CUX1: variants seen among roughly 807,000 people sequenced by gnomAD.
CUX1 encodes protein CASP.
A neutral mutation model predicts 158.8 loss-of-function variants in CUX1; 31 were observed. The observed-to-expected ratio is 0.20, with a 90% CI of 0.15 to 0.26. CUX1 has a LOEUF of 0.26. Ranked by LOEUF, CUX1 falls within the 10% of genes least tolerant of loss-of-function variation. The pLI is 1.00. For missense variants in CUX1, 1,589 were observed against 2,014.6 expected (o/e 0.79, Z 4.04); for synonymous variants, 879 against 862.1 (o/e 1.02, Z -0.34).
intron 2 of CUX1, among the ~76,000 whole-genome samples, chr7:102,019,826 C>G (rs1483076991): frequency 6.6e-6 from 1 of 152,188 alleles, no homozygotes; most frequent in Admixed American, 6.5e-5. Flanking sequence ...GAGTTTATCC[C>G]TTTCAAGATA....
At chr7:102,017,598 CGCTTCGGTA>C (rs1818788483) in intron 2 of CUX1, among the ~76,000 whole-genome samples, 2 of 149,174 alleles carry the variant, frequency 1.3e-5, no homozygotes, top group South Asian at 4.1e-4. Context: ...TGTAACCCAG[CGCTTCGGTA>C]GGCCGAGATG....
chr7:101,816,772 C>T (rs1335338463), upstream of CUX1, among the ~76,000 whole-genome samples: 1 of 138,440 alleles, frequency 7.2e-6, no homozygotes, highest in Non-Finnish European at 1.6e-5. Flanking sequence ...GCGGCGGCGG[C>T]GGCGCGGCCC....
At chr7:101,917,206 A>T (rs1804324918) in intron 2 of CUX1, among the ~76,000 whole-genome samples, 1 of 152,246 alleles carries the variant, frequency 6.6e-6, no homozygotes, top group Non-Finnish European at 1.5e-5. Flanking sequence ...TCTTACTTAC[A>T]TAATATTGCT....
At position 101,916,337 on chromosome 7, in the gene CUX1, A is replaced by G. The variant is rs867616126; in HGVS notation, c.141+112A>G. On this transcript the variant is annotated intron_variant, in intron 2 of 23. Coordinates refer to ENST00000292535, the MANE Select transcript of CUX1 (RefSeq NM_181552.4). The surrounding 1 kb of genome is among the most constrained non-coding windows in gnomAD (Gnocchi z 4.4). ...TCATCAGATGAACGCACGGCCGGCA[A>G]ACAACCCGTTTCTTTCCCCAGATGT... is the stretch of plus-strand genomic sequence containing the variant. 24 of 696,662 alleles carry G rather than the reference A, an allele frequency of 3.4e-5. No individual in the cohort carries two copies. The highest frequency in any genetic ancestry group is 3.2e-4 in the Middle Eastern group (1 of 3,110). 43.2% of individuals were successfully genotyped at this position (696,662 alleles called of 1,614,324 possible). A position where few individuals can be genotyped will look rare whatever the true frequency, so the allele number is the denominator to read the frequency against.
intron 1 of CUX1, among the ~76,000 whole-genome samples, chr7:101,857,396 G>T (rs1355830565): frequency 6.6e-6 from 1 of 152,234 alleles, no homozygotes; most frequent in African/African-American, 2.4e-5. Flanking sequence ...TATGTTTTCA[G>T]CACAGAAAGG....
intron 8 of CUX1, among the ~76,000 whole-genome samples, chr7:102,131,214 A>G (rs782220127): frequency 4.6e-5 from 7 of 152,186 alleles, no homozygotes; most frequent in African/African-American, 1.4e-4. Context: ...TAGAAATCCA[A>G]TTTCCGATCG....
chr7:101,836,100 A>G (rs1451627865), intron 1 of CUX1, among the ~76,000 whole-genome samples: 1 of 152,152 alleles, frequency 6.6e-6, no homozygotes, highest in Non-Finnish European at 1.5e-5. Flanking sequence ...GTCAAATACT[A>G]GGCCTTATTC....
At chr7:102,117,397 CA>C (rs10633602) in intron 8 of CUX1, among the ~76,000 whole-genome samples, 23 of 46,668 alleles carry the variant, frequency 4.9e-4, no homozygotes, top group East Asian at 4.0e-3. Flanking sequence ...GACTCCATCG[CA>C]AAAAAAAAAA....
Position 102,196,677 on chromosome 7 carries a change from C to A in CUX1, c.1266C>A (p.Arg422=). The A allele has an allele frequency of 6.3e-7, 1 of 1,598,100 alleles. No individual in the cohort carries two copies. The highest frequency in any genetic ancestry group is 8.5e-7 in the Non-Finnish European group (1 of 1,171,114). The change falls in exon 15 of 24, where the codon CGC becomes CGA. Residue 422 remains arginine (R), a synonymous_variant. Transcript: ENST00000292535. ...RKGKDQPESR[R]PGSLPAPPPS... ...GGAAAGACCAGCCTGAAAGTCGGCG[C>A]CCGGGATCTTTGCCGGCCCCCCCTC...
intron 9 of CUX1, 74 bp downstream of exon 9, chr7:102,158,682 A>G (rs1261964532): frequency 4.9e-6 from 7 of 1,436,164 alleles, no homozygotes; most frequent in Non-Finnish European, 6.9e-6. Flanking sequence ...AAGATGCGTC[A>G]CCCGAAGTTA....
chr7:101,856,182 CAAAAAA>C lies in CUX1; in HGVS notation c.30+38532_30+38537del, dbSNP rs768518044. On this transcript the variant is annotated intron_variant, in intron 1 of 23. Coordinates refer to ENST00000292535, the MANE Select transcript of CUX1 (RefSeq NM_181552.4). ...TGGGTGACAGAGTGAGACCCTGTCT[CAAAAAA>C]AAAAAAAAAAAAAAAAAAGGAAACA... 9.7e-3 allele frequency among the ~76,000 whole-genome samples: 465 copies of C among 48,046 alleles called. 5 individuals are homozygous for C. Among genetic ancestry groups the C allele is most frequent in the South Asian group, 0.066 (85 of 1,290 alleles). 31.5% of individuals were successfully genotyped at this position (48,046 alleles called of 152,430 possible).
chr7:102,034,629 C>G (rs567961107), intron 3 of CUX1, among the ~76,000 whole-genome samples: 10 of 151,500 alleles, frequency 6.6e-5, no homozygotes, highest in Admixed American at 2.0e-4. Context: ...GGCATATGCC[C>G]GTAATCCTAG....
chr7:101,886,544 C>T (rs569309538), intron 1 of CUX1, among the ~76,000 whole-genome samples: 67 of 152,294 alleles, frequency 4.4e-4, no homozygotes, highest in Non-Finnish European at 4.1e-4. Context: ...ACTTGGCATT[C>T]GGCAAGGTGT....
chr7:102,255,992 A>C lies in CUX1; in HGVS notation c.*6950A>C. ...AGTAAGCTTTAGACCAGGACGATTCAGGTTATGAATGAGTTTGTTCACTGT... is the reference window on the plus strand; with the variant it reads ...AGTAAGCTTTAGACCAGGACGATTCCGGTTATGAATGAGTTTGTTCACTGT... On this transcript the variant is annotated 3_prime_UTR_variant, in exon 24 of 24. Transcript: ENST00000292535. 1 of 985,494 alleles carries C rather than the reference A, an allele frequency of 1.0e-6. No individual in the cohort carries two copies. The highest frequency in any genetic ancestry group is 1.2e-6 in the Non-Finnish European group (1 of 829,942). The allele number at this position is 985,494 out of a possible 1,614,324, so 61.0% of individuals were successfully genotyped here.
intron 17 of CUX1, chr7:102,277,941 C>A: frequency 6.8e-7 from 1 of 1,478,578 alleles, no homozygotes; most frequent in Non-Finnish European, 9.2e-7. Flanking sequence ...TTGCCCCTCC[C>A]CCCCCAGGAG....
upstream of CUX1, chr7:101,816,051 G>A (rs1224367641): frequency 1.4e-6 from 2 of 1,432,366 alleles, no homozygotes; most frequent in Non-Finnish European, 1.9e-6. Flanking sequence ...ATGTGGGATC[G>A]ATGTTTCAAT....
chr7:102,025,532 G>C (rs1819905551), intron 2 of CUX1, among the ~76,000 whole-genome samples: 1 of 152,136 alleles, frequency 6.6e-6, no homozygotes, highest in South Asian at 2.1e-4. Flanking sequence ...GGAAGTTGAG[G>C]TGAGAGGATC....
intron 2 of CUX1, among the ~76,000 whole-genome samples, chr7:101,919,154 G>A (rs1414129506): frequency 6.6e-6 from 1 of 152,166 alleles, no homozygotes; most frequent in Non-Finnish European, 1.5e-5. Context: ...GAGTGTGCTG[G>A]GTGTGCAGGA....
At chr7:101,984,497 A>C (rs1410611674) in intron 2 of CUX1, among the ~76,000 whole-genome samples, 1 of 55,762 alleles carries the variant, frequency 1.8e-5, no homozygotes, top group Non-Finnish European at 5.3e-5. Flanking sequence ...GTTCTCCGGC[A>C]AAAAAAAAAA....
Sources: gnomAD v4.1 joint callset for allele counts (sites outside exome capture counted in the v4.1 genomes callset) on GRCh38, gnomAD v4.1.1 for gene constraint, Gnocchi (gnomAD v3.1) non-coding constraint, MANE v1.5 for transcripts, NCBI Gene and HGNC (gene_info 2026-07-23, HGNC 2026-07-21) for gene names.